HHAT: variants seen among roughly 807,000 people sequenced by gnomAD.
The protein encoded by HHAT is hedgehog acyltransferase.
HHAT carries 47 observed loss-of-function variants against 70.8 expected under a neutral mutation model. The observed-to-expected ratio is 0.66, with a 90% CI of 0.53 to 0.85. HHAT has a LOEUF of 0.85. Ranked by LOEUF, HHAT falls within the 40% of genes least tolerant of loss-of-function variation. HHAT has a pLI of 0.00. For synonymous variants in HHAT, 228 were observed against 247.6 expected (o/e 0.92, Z 0.74); for missense variants, 609 against 604.8 (o/e 1.01, Z -0.07).
chr1:210,655,276 C>T (rs1247240990), intron 11 of HHAT, among the ~76,000 whole-genome samples: 1 of 152,222 alleles, frequency 6.6e-6, no homozygotes, highest in Non-Finnish European at 1.5e-5. Context: ...AGGGAGGGTG[C>T]TAATGCCTCA....
intron 11 of HHAT, among the ~76,000 whole-genome samples, chr1:210,653,749 A>T (rs1257249284): frequency 6.6e-6 from 1 of 152,014 alleles, no homozygotes; most frequent in Non-Finnish European, 1.5e-5. Flanking sequence ...AAAGAGATTA[A>T]ATTTTTTGAA....
chr1:210,560,814 T>TTA (rs2095614854), intron 9 of HHAT, among the ~76,000 whole-genome samples: 2 of 28,472 alleles, frequency 7.0e-5, no homozygotes, highest in Non-Finnish European at 1.9e-4. Flanking sequence ...CCCTGTGTCT[T>TTA]AAAAAAAAAA....
chr1:210,356,383 C>CT (rs201311670), intron 2 of HHAT, among the ~76,000 whole-genome samples: 2,760 of 150,394 alleles, frequency 0.018, 86 homozygotes, highest in African/African-American at 0.06. Context: ...ATGTCACAGG[C>CT]TTTTTTTTTC....
chr1:210,603,958 C>T (rs565937264), intron 10 of HHAT, among the ~76,000 whole-genome samples: 3 of 152,128 alleles, frequency 2.0e-5, no homozygotes, highest in Admixed American at 2.0e-4. Flanking sequence ...ACCTAATAGG[C>T]TGGAGTAATT....
chr1:210,607,471 C>T (rs947193182), intron 10 of HHAT, among the ~76,000 whole-genome samples: 6 of 152,102 alleles, frequency 3.9e-5, no homozygotes, highest in Admixed American at 6.5e-5. Flanking sequence ...AAAAAGGAGG[C>T]CTTGCTTTAA....
intron 2 of HHAT, among the ~76,000 whole-genome samples, chr1:210,362,248 T>C (rs968727847): frequency 8.3e-6 from 1 of 119,944 alleles, no homozygotes; most frequent in Non-Finnish European, 2.0e-5. Context: ...TTTTTTTTTT[T>C]TTCTTTTCTT....
chr1:210,387,634 T>A, intron 4 of HHAT, 53 bp downstream of exon 4: 1 of 1,407,374 alleles, frequency 7.1e-7, no homozygotes, highest in Non-Finnish European at 1.0e-6. Context: ...TTGCTTCTTG[T>A]GAAGAAAGAG....
intron 8 of HHAT, among the ~76,000 whole-genome samples, chr1:210,484,597 T>G (rs1420927135): frequency 1.3e-5 from 2 of 151,928 alleles, no homozygotes; most frequent in African/African-American, 4.8e-5. Flanking sequence ...CTAGACTTAG[T>G]GTTATGGATT....
At chr1:210,469,822 C>G (rs2094169565) in intron 8 of HHAT, among the ~76,000 whole-genome samples, 1 of 152,056 alleles carries the variant, frequency 6.6e-6, no homozygotes, top group Admixed American at 6.5e-5. Context: ...GCACACACCA[C>G]CATACACAGC....
At chr1:210,469,987 C>G (rs911910577) in intron 8 of HHAT, among the ~76,000 whole-genome samples, 2 of 152,158 alleles carry the variant, frequency 1.3e-5, no homozygotes, top group African/African-American at 4.8e-5. Context: ...TGCACTCCCT[C>G]CTTTTCTCCC....
At chr1:210,453,522 C>G (rs2093798089) in intron 7 of HHAT, among the ~76,000 whole-genome samples, 1 of 152,084 alleles carries the variant, frequency 6.6e-6, no homozygotes, top group South Asian at 2.1e-4. Flanking sequence ...TCCGTGCCTT[C>G]CCTTTCCCCC....
chr1:210,455,559 C>T lies in HHAT; in HGVS notation c.857-8946C>T, dbSNP rs1012771783. Among the ~76,000 whole-genome samples, 4 of 152,188 alleles carry T rather than the reference C, an allele frequency of 2.6e-5. No homozygotes were observed. The South Asian group carries it at 6.2e-4, about 24-fold the overall frequency. ...CTCAGTTTTGTGTGAATCTAGTAAA[C>T]GTGGTGACTTGGAGACAGCTGACCC... On this transcript the variant is annotated intron_variant, in intron 7 of 11. Transcript: ENST00000261458.
intron 10 of HHAT, among the ~76,000 whole-genome samples, chr1:210,605,005 G>T (rs970646367): frequency 3.7e-4 from 42 of 114,612 alleles, no homozygotes; most frequent in Non-Finnish European, 6.0e-4. Flanking sequence ...TCCAGCCTGG[G>T]CAAGACTCAA....
At chr1:210,352,948 T>A (rs1489460206) in intron 2 of HHAT, among the ~76,000 whole-genome samples, 7 of 151,120 alleles carry the variant, frequency 4.6e-5, no homozygotes, top group South Asian at 2.1e-4. Flanking sequence ...TTTTTTTTTT[T>A]AATAAGAGAT....
chr1:210,673,765 A>T (rs199538586), intron 11 of HHAT, among the ~76,000 whole-genome samples: 3 of 7,668 alleles, frequency 3.9e-4, no homozygotes, highest in African/African-American at 1.7e-3. Flanking sequence ...CTTATTTATT[A>T]TTTATTTATT....
intron 11 of HHAT, among the ~76,000 whole-genome samples, chr1:210,651,270 GGC>G (rs199781114): frequency 0.28 from 42,564 of 151,942 alleles, 6,474 homozygotes; most frequent in East Asian, 0.4. Context: ...GGAGTTAGAT[GGC>G]ATATCTGTCA....
At chr1:210,649,145 T>G (rs1390324333) in intron 11 of HHAT, among the ~76,000 whole-genome samples, 3 of 152,190 alleles carry the variant, frequency 2.0e-5, no homozygotes, top group Non-Finnish European at 2.9e-5. Context: ...TGGCTATATA[T>G]TCAACTCTGG....
chr1:210,645,766 C>T (rs1280979590), intron 11 of HHAT, among the ~76,000 whole-genome samples: 2 of 152,172 alleles, frequency 1.3e-5, no homozygotes, highest in African/African-American at 4.8e-5. Flanking sequence ...TTGCCCAGGC[C>T]TTCCTGATAC....
At chr1:210,409,107 T>A (rs1572222554) in intron 6 of HHAT, among the ~76,000 whole-genome samples, 1 of 152,084 alleles carries the variant, frequency 6.6e-6, no homozygotes, top group African/African-American at 2.4e-5. Context: ...CTCAAGTGAT[T>A]CTCTTGCTTC....
Sources: allele counts gnomAD v4.1 joint callset (sites outside exome capture counted in the v4.1 genomes callset), GRCh38; gene constraint gnomAD v4.1.1; transcripts MANE v1.5; gene names NCBI Gene and HGNC (gene_info 2026-07-23, HGNC 2026-07-21).